Variants in SGCZ observed in about 807,000 individuals in gnomAD.
The protein encoded by SGCZ is zeta-sarcoglycan.
In SGCZ, 40 loss-of-function variants were observed where a neutral mutation model predicts 41.3. That is an observed-to-expected ratio of 0.97 (90% confidence interval 0.75 to 1.26). The LOEUF is 1.26. Among genes scored for constraint, SGCZ ranks in the 50% most tolerant of loss-of-function variants. The probability of loss-of-function intolerance (pLI) is 0.00; values close to 1 mark genes in which losing one functional copy is unlikely to be tolerated. For missense variants in SGCZ, 552 were observed against 369.8 expected, an observed-to-expected ratio of 1.49 and a Z score of -4.04; for synonymous variants, 206 against 137.5, an observed-to-expected ratio of 1.50 and a Z score of -3.49.
chr8:14,634,159 A>T (rs1341535805), intron 1 of SGCZ, among the ~76,000 whole-genome samples: 1 of 151,896 alleles, frequency 6.6e-6, no homozygotes, highest in Non-Finnish European at 1.5e-5. Context: ...TAAAGCTTTG[A>T]ATAAGATTTT....
intron 3 of SGCZ, among the ~76,000 whole-genome samples, chr8:14,257,957 A>G (rs1799523427): frequency 6.6e-6 from 1 of 152,194 alleles, no homozygotes; most frequent in Admixed American, 6.5e-5. Context: ...AGATCAATAA[A>G]TGAACAATTT....
chr8:15,083,503 T>C (rs1043956964), intron 1 of SGCZ, among the ~76,000 whole-genome samples: 1 of 152,200 alleles, frequency 6.6e-6, no homozygotes, highest in Non-Finnish European at 1.5e-5. Context: ...TACTGCTTTA[T>C]TAAAGTAATA....
At chr8:14,328,510 C>G (rs548965347) in intron 2 of SGCZ, among the ~76,000 whole-genome samples, 5 of 152,246 alleles carry the variant, frequency 3.3e-5, no homozygotes, top group Admixed American at 3.3e-4. Flanking sequence ...ATAAAGATTA[C>G]ATGAGGATGT....
chr8:14,725,658 C>G lies in SGCZ; in HGVS notation c.40-170732G>C, dbSNP rs1268867829. On this transcript the variant is annotated intron_variant, in intron 1 of 7. Coordinates refer to ENST00000382080, the MANE Select transcript of SGCZ (RefSeq NM_139167.4). The stretch of plus-strand genomic sequence containing the variant: ...TTTTTAAAAATCACTATTACTAACA[C>G]CTACTTCTGTATTAAATGAAAAGTG... Among the ~76,000 whole-genome samples, 3 of 152,188 alleles carry G rather than the reference C, an allele frequency of 2.0e-5. No homozygotes were observed. In the East Asian group the frequency reaches 5.8e-4, roughly 29 times the overall value.
chr8:14,420,682 G>A (rs2117304650), intron 2 of SGCZ, among the ~76,000 whole-genome samples: 1 of 152,138 alleles, frequency 6.6e-6, no homozygotes, highest in African/African-American at 2.4e-5. Context: ...AAATACCACA[G>A]TAAAGCAGAT....
At chr8:14,928,088 G>A (rs1799811982) in intron 1 of SGCZ, among the ~76,000 whole-genome samples, 1 of 152,072 alleles carries the variant, frequency 6.6e-6, no homozygotes. Context: ...CTTCCTAACT[G>A]GCTTGTCACT....
intron 7 of SGCZ, among the ~76,000 whole-genome samples, chr8:14,100,971 A>G (rs1297601770): frequency 1.3e-5 from 2 of 152,132 alleles, no homozygotes; most frequent in African/African-American, 2.4e-5. Flanking sequence ...ATTGGTAGGA[A>G]AAGCAATACA....
intron 1 of SGCZ, among the ~76,000 whole-genome samples, chr8:14,725,862 A>T (rs1327002389): frequency 6.6e-6 from 1 of 152,220 alleles, no homozygotes; most frequent in Non-Finnish European, 1.5e-5. Context: ...TTAAAGATGG[A>T]AAGGCGATTA....
intron 1 of SGCZ, among the ~76,000 whole-genome samples, chr8:14,562,646 A>C (rs1804241288): frequency 6.6e-6 from 1 of 152,110 alleles, no homozygotes; most frequent in Admixed American, 6.6e-5. Flanking sequence ...TTGGAGTGGG[A>C]TAAACAGAAA....
chr8:14,830,789 A>AGGTATGCAAGCTCTCTC (rs1346839343), intron 1 of SGCZ, among the ~76,000 whole-genome samples: 3 of 152,226 alleles, frequency 2.0e-5, no homozygotes, highest in African/African-American at 7.2e-5. Flanking sequence ...ACATCTCAAA[A>AGGTATGCAAGCTCTCTC]GGTATGCAAG....
At chr8:14,728,506 C>T (rs2253890) in intron 1 of SGCZ, among the ~76,000 whole-genome samples, 2 of 151,326 alleles carry the variant, frequency 1.3e-5, no homozygotes, top group South Asian at 2.1e-4. Context: ...GAAAAAGACA[C>T]GAAAATGAAT....
At chr8:14,893,767 A>T (rs556189310) in intron 1 of SGCZ, among the ~76,000 whole-genome samples, 1 of 152,340 alleles carries the variant, frequency 6.6e-6, no homozygotes, top group Admixed American at 6.5e-5. Flanking sequence ...CTTAAACAAC[A>T]TGTTAAACAA....
At chr8:14,719,162 G>A (rs1475317116) in intron 1 of SGCZ, among the ~76,000 whole-genome samples, 1 of 150,674 alleles carries the variant, frequency 6.6e-6, no homozygotes, top group African/African-American at 2.5e-5. Context: ...TTTCATCCAT[G>A]TCCCTACAAA....
intron 2 of SGCZ, among the ~76,000 whole-genome samples, chr8:14,549,218 A>G (rs1158551743): frequency 6.6e-6 from 1 of 152,088 alleles, no homozygotes; most frequent in African/African-American, 2.4e-5. Context: ...AGGAAGTCAG[A>G]CAGAGCTAGT....
At chr8:15,118,566 G>GA (rs879785687) in intron 1 of SGCZ, among the ~76,000 whole-genome samples, 14 of 152,258 alleles carry the variant, frequency 9.2e-5, no homozygotes, top group African/African-American at 2.6e-4. Context: ...GTGCGTGGAA[G>GA]AAAAACGTCA....
At chr8:14,696,048 G>C (rs971497573) in intron 1 of SGCZ, among the ~76,000 whole-genome samples, 2 of 152,004 alleles carry the variant, frequency 1.3e-5, no homozygotes, top group Non-Finnish European at 2.9e-5. Context: ...GAGCTCCCGG[G>C]ACAAATATTG....
intron 1 of SGCZ, among the ~76,000 whole-genome samples, chr8:14,899,209 T>G (rs1380340792): frequency 6.6e-6 from 1 of 152,190 alleles, no homozygotes; most frequent in African/African-American, 2.4e-5. Context: ...TGGGTGAAAG[T>G]ATTTTGTAAA....
intron 2 of SGCZ, among the ~76,000 whole-genome samples, chr8:14,423,275 C>T (rs1302953615): frequency 2.6e-5 from 4 of 151,512 alleles, no homozygotes; most frequent in South Asian, 2.1e-4. Flanking sequence ...AACTAATCTG[C>T]ACATTGTGCA....
chr8:14,428,125 CACACACACAT>C (rs1216278995), intron 2 of SGCZ, among the ~76,000 whole-genome samples: 3 of 4,072 alleles, frequency 7.4e-4, no homozygotes, highest in African/African-American at 1.3e-3. Context: ...CACACACACA[CACACACACAT>C]ATATATATAT....
Sources: gnomAD v4.1 joint callset for allele counts (sites outside exome capture counted in the v4.1 genomes callset) on GRCh38, gnomAD v4.1.1 for gene constraint, MANE v1.5 for transcripts, NCBI Gene and HGNC (gene_info 2026-07-23, HGNC 2026-07-21) for gene names.